The following ZNF316 variants were observed in gnomAD, a reference collection of about 807,000 sequenced individuals.
ZNF316 encodes zinc finger protein 316.
Under a neutral mutation model 75.6 loss-of-function variants are expected in ZNF316, and 23 were observed. That is an observed-to-expected ratio of 0.30 (90% confidence interval 0.22 to 0.43). The LOEUF (loss-of-function observed/expected upper bound fraction) is 0.43. Ranked by LOEUF, ZNF316 falls within the 20% of genes least tolerant of loss-of-function variation. The pLI, the probability that ZNF316 is intolerant of heterozygous loss-of-function variation, is 1.00. For missense variants in ZNF316, 1,266 were observed against 1,409.4 expected (o/e 0.90, Z 1.63); for synonymous variants, 827 against 666.2 (o/e 1.24, Z -3.72).
intron 8 of ZNF316, among the ~76,000 whole-genome samples, chr7:6,647,789 C>A (rs1289480911): frequency 6.8e-6 from 1 of 146,688 alleles, no homozygotes; most frequent in East Asian, 1.9e-4. Flanking sequence ...TGTGTGTGGG[C>A]TACACCGAGC....
intron 8 of ZNF316, among the ~76,000 whole-genome samples, chr7:6,645,110 G>A (rs1779376246): frequency 6.6e-6 from 1 of 152,248 alleles, no homozygotes; most frequent in African/African-American, 2.4e-5. Flanking sequence ...AGGCGTTCAG[G>A]GTGGTGAATT....
Position 6,658,059 on chromosome 7 carries a change from G to A in ZNF316, c.*3448G>A, listed in dbSNP as rs953547708. Among the ~76,000 whole-genome samples, 8 of 151,994 alleles carry A rather than the reference G, an allele frequency of 5.3e-5. No individual in the cohort carries two copies. The highest frequency in any genetic ancestry group is 1.9e-4 in the African/African-American group (8 of 41,370). On this transcript the variant is annotated 3_prime_UTR_variant, in exon 9 of 9. Coordinates refer to ENST00000382252, the MANE Select transcript of ZNF316 (RefSeq NM_001278559.2). ...CTTAGAGGGTCCCTCAGCCCTGAGC[G>A]TCACTTTCCCCTCCATCTACCTTTG...
chr7:6,648,294 C>G lies in ZNF316; in HGVS notation c.706+3701C>G, dbSNP rs1216352684. On this transcript the variant is annotated intron_variant, in intron 8 of 8. Coordinates refer to ENST00000382252, the MANE Select transcript of ZNF316 (RefSeq NM_001278559.2). Reference sequence around the variant, plus strand: ...GGCACAGGGCTGGCCAGGGGCCTATCTAGGATTAGGGACTGTGGCCCAGCC... The same window carrying G: ...GGCACAGGGCTGGCCAGGGGCCTATGTAGGATTAGGGACTGTGGCCCAGCC... 8.5e-5 allele frequency among the ~76,000 whole-genome samples: 13 copies of G among 152,226 alleles called. No homozygotes were observed. In the East Asian group the frequency reaches 2.3e-3, roughly 27 times the overall value.
intron 7 of ZNF316, 111 bp from the exon 8 acceptor site, chr7:6,644,369 G>A (rs902923671): frequency 9.9e-6 from 5 of 505,512 alleles, no homozygotes; most frequent in Non-Finnish European, 1.5e-5. Context: ...TGGGAGGGCT[G>A]GTGCTGGGAA....
rs1779367446 is a variant in ZNF316 at position 6,644,572 on chromosome 7, A to G, written c.685A>G (p.Ile229Val). The part of the protein sequence containing the change: ...PDSPRPEEGD[I>V]VTGVYTGAWF... ...TAGTCCCCGACCTGAGGAAGGAGAC[A>G]TCGTCACTGGCGTCTACACAGGTGA... Residue 229 changes from isoleucine to valine, a missense_variant, in exon 8 of 9, where the codon ATC becomes GTC. Around this residue, in one of 3 missense-constraint regions of ZNF316, gnomAD observed 961 missense variants for 990.9 expected, o/e 0.97. Coordinates refer to ENST00000382252, the MANE Select transcript of ZNF316 (RefSeq NM_001278559.2). 2 of 1,232,182 alleles carry G rather than the reference A, an allele frequency of 1.6e-6. No individual in the cohort carries two copies. Among genetic ancestry groups the G allele is most frequent in the African/African-American group, 3.1e-5 (2 of 64,512 alleles). The allele number at this position is 1,232,182 out of a possible 1,614,324, so 76.3% of individuals were successfully genotyped here. A position where few individuals can be genotyped will look rare whatever the true frequency, so the allele number is the denominator to read the frequency against.
chr7:6,642,381 G>A lies in ZNF316; in HGVS notation c.-28-1G>A. 2 of 1,227,656 alleles carry A rather than the reference G, an allele frequency of 1.6e-6. No homozygotes were observed. Among genetic ancestry groups the A allele is most frequent in the Non-Finnish European group, 2.0e-6 (2 of 983,946 alleles). 76.0% of individuals were successfully genotyped at this position (1,227,656 alleles called of 1,614,324 possible). On this transcript the variant is annotated splice_acceptor_variant, in intron 4 of 8. Coordinates refer to ENST00000382252, the MANE Select transcript of ZNF316 (RefSeq NM_001278559.2). LOFTEE classifies it low-confidence loss of function (5UTR_SPLICE). The surrounding 1 kb of genome is among the most constrained non-coding windows in gnomAD (Gnocchi z 8.1). ...GTCACTGGCGTCCATCTGCATTTCA[G>A]GCCACGTGGAGGCTCGCTCCCAGGG...
rs1779286258 is a variant in ZNF316, at chr7:6,640,151, G to A, written c.-167+1010G>A. Among the ~76,000 whole-genome samples the A allele has an allele frequency of 6.6e-6, 1 of 152,206 alleles. No individual in the cohort carries two copies. The highest frequency in any genetic ancestry group is 1.5e-5 in the Non-Finnish European group (1 of 68,050). Reference sequence around the variant, plus strand: ...AGAGCTTCCTGGCTATTAAAGTGTGGATTTTAAAGCAACTGCTCAAAGCAG... The same window carrying A: ...AGAGCTTCCTGGCTATTAAAGTGTGAATTTTAAAGCAACTGCTCAAAGCAG... On this transcript the variant is annotated intron_variant, in intron 3 of 8. Coordinates refer to ENST00000382252, the MANE Select transcript of ZNF316 (RefSeq NM_001278559.2). This position sits in a 1 kb window ranked among gnomAD's most constrained non-coding sequence, Gnocchi z 5.1.
intron 8 of ZNF316, among the ~76,000 whole-genome samples, chr7:6,651,887 C>G (rs1386808275): frequency 6.6e-6 from 1 of 152,204 alleles, no homozygotes; most frequent in African/African-American, 2.4e-5. Context: ...GGAAAACTGC[C>G]CCAGCGTCTC....
chr7:6,642,874 C>T lies in ZNF316; in HGVS notation c.356-90C>T. 8.1e-7 allele frequency: 1 copy of T among 1,232,134 alleles called. No individual in the cohort carries two copies. The highest frequency in any genetic ancestry group is 1.5e-5 in the African/African-American group (1 of 64,524). 76.3% of individuals were successfully genotyped at this position (1,232,134 alleles called of 1,614,324 possible). A position where few individuals can be genotyped will look rare whatever the true frequency, so the allele number is the denominator to read the frequency against. On this transcript the variant is annotated intron_variant, in intron 5 of 8. Transcript: ENST00000382252. This position sits in a 1 kb window ranked among gnomAD's most constrained non-coding sequence, Gnocchi z 8.1. The stretch of plus-strand genomic sequence containing the variant: ...TTGGGCCGACAGGGTGGAGCTGAAA[C>T]CCAGCTTTGCAATGAGGGTGTTGCC...
At chr7:6,649,437 C>T (rs961848047) in intron 8 of ZNF316, among the ~76,000 whole-genome samples, 4 of 152,228 alleles carry the variant, frequency 2.6e-5, no homozygotes, top group South Asian at 2.1e-4. Flanking sequence ...CCTGTTGCCC[C>T]GGCTTGGGTC....
In ZNF316 at chr7:6,653,147, C is replaced by A; in HGVS notation, c.1551C>A (p.Pro517=). ...GCGCGGAGGCGGGTGGTGACGGCCC[C>A]CGGCGGGAGCCCGGCGAGACGGCGG... is the stretch of plus-strand genomic sequence containing the variant. ...GGCAEAGGDG[P]RREPGETAAA... The change falls in exon 9 of 9, where the codon CCC becomes CCA. Residue 517 remains proline (P), a synonymous_variant. Transcript: ENST00000382252. The A allele has an allele frequency of 8.5e-7, 1 of 1,178,110 alleles. No individual in the cohort carries two copies. The highest frequency in any genetic ancestry group is 1.0e-6 in the Non-Finnish European group (1 of 953,944). 73.0% of individuals were successfully genotyped at this position (1,178,110 alleles called of 1,614,324 possible).
Position 6,653,375 on chromosome 7 carries a change from C to A in ZNF316, c.1779C>A (p.Ser593=). The change falls in exon 9 of 9, where the codon TCC becomes TCA. Residue 593 remains serine, a synonymous_variant. Transcript: ENST00000382252. ...TGGGGGAGGGCGAAGGCCCCTCCTC[C>A]CACCCGCTGGGCTTCCACTTCCCCG... ...NGLGEGEGPS[S]HPLGFHFPVH... is the part of the protein sequence containing the mutation. 8.2e-7 allele frequency: 1 copy of A among 1,226,524 alleles called. No homozygotes were observed. Among genetic ancestry groups the A allele is most frequent in the South Asian group, 4.1e-5 (1 of 24,300 alleles). 76.0% of individuals were successfully genotyped at this position (1,226,524 alleles called of 1,614,324 possible). A position where few individuals can be genotyped will look rare whatever the true frequency, so the allele number is the denominator to read the frequency against.
chr7:6,640,310 G>C lies in ZNF316; in HGVS notation c.-167+1169G>C, dbSNP rs1779288783. 6.6e-6 allele frequency among the ~76,000 whole-genome samples: 1 copy of C among 152,158 alleles called. No homozygotes were observed. Among genetic ancestry groups the C allele is most frequent in the Admixed American group, 6.5e-5 (1 of 15,270 alleles). On this transcript the variant is annotated intron_variant, in intron 3 of 8. Transcript: ENST00000382252. The surrounding 1 kb of genome is among the most constrained non-coding windows in gnomAD (Gnocchi z 5.1). ...AGAGGTGAGACTGGCGCATGGTTCTGCAGGCTGTACAGGAAGCATGGTGCT... is the reference window on the plus strand; with the variant it reads ...AGAGGTGAGACTGGCGCATGGTTCTCCAGGCTGTACAGGAAGCATGGTGCT...
chr7:6,653,888 G>T lies in ZNF316; in HGVS notation c.2292G>T (p.Ala764=). 9.0e-7 allele frequency: 1 copy of T among 1,105,932 alleles called. No individual in the cohort carries two copies. Among genetic ancestry groups the T allele is most frequent in the Non-Finnish European group, 1.1e-6 (1 of 907,190 alleles). 68.5% of individuals were successfully genotyped at this position (1,105,932 alleles called of 1,614,324 possible). A position where few individuals can be genotyped will look rare whatever the true frequency, so the allele number is the denominator to read the frequency against. ...TCGCCCGCGGCTCGCACTTGGCGGC[G>T]CACGTGCGCGGCCACACGGGCGAGA... The part of the protein sequence containing the change: ...ARFARGSHLA[A]HVRGHTGEKP... Residue 764 remains alanine (A), a synonymous_variant, in exon 9 of 9, where the codon GCG becomes GCT. Transcript: ENST00000382252.
chr7:6,642,944 T>C lies in ZNF316; in HGVS notation c.356-20T>C. ...GCTGGGGGCTCAGGGCAGCTGGCCC[T>C]AAGAGATCTCTCCCCACAGGCCTGC... On this transcript the variant is annotated intron_variant, in intron 5 of 8. Coordinates refer to ENST00000382252, the MANE Select transcript of ZNF316 (RefSeq NM_001278559.2). This position sits in a 1 kb window ranked among gnomAD's most constrained non-coding sequence, Gnocchi z 8.1. 1 of 1,231,714 alleles carries C rather than the reference T, an allele frequency of 8.1e-7. No individual in the cohort carries two copies. The highest frequency in any genetic ancestry group is 1.0e-6 in the Non-Finnish European group (1 of 988,002). The allele number at this position is 1,231,714 out of a possible 1,614,324, so 76.3% of individuals were successfully genotyped here. A position where few individuals can be genotyped will look rare whatever the true frequency, so the allele number is the denominator to read the frequency against.
intron 3 of ZNF316, 148 bp from the exon 4 acceptor site, chr7:6,641,677 A>G (rs997635567): frequency 1.3e-5 from 2 of 152,268 alleles, no homozygotes; most frequent in African/African-American, 4.8e-5. Context: ...TGATCCCCAA[A>G]CTTGAAATGT....
At chr7:6,650,602 C>T (rs1182122411) in intron 8 of ZNF316, among the ~76,000 whole-genome samples, 6 of 152,140 alleles carry the variant, frequency 3.9e-5, no homozygotes, top group African/African-American at 9.7e-5. Flanking sequence ...AGGGGCTACC[C>T]GAGGCCTACT....
intron 8 of ZNF316, among the ~76,000 whole-genome samples, chr7:6,646,951 C>T (rs1348215819): frequency 2.0e-5 from 3 of 152,218 alleles, no homozygotes; most frequent in Non-Finnish European, 4.4e-5. Flanking sequence ...GAAGCCCCCA[C>T]CTGCCCTTCA....
chr7:6,640,999 A>G lies in ZNF316; in HGVS notation c.-166-826A>G, dbSNP rs958845065. Among the ~76,000 whole-genome samples, 1 of 152,224 alleles carries G rather than the reference A, an allele frequency of 6.6e-6. No individual in the cohort carries two copies. Among genetic ancestry groups the G allele is most frequent in the African/African-American group, 2.4e-5 (1 of 41,458 alleles). The stretch of plus-strand genomic sequence containing the variant: ...TTTTCTTTGCCACTTACTCAGCCTC[A>G]GGTATTCCTTCACAGAAATGCAGAA... On this transcript the variant is annotated intron_variant, in intron 3 of 8. Transcript: ENST00000382252. The surrounding 1 kb of genome is among the most constrained non-coding windows in gnomAD (Gnocchi z 5.1).
Sources: gnomAD v4.1 joint callset for allele counts (sites outside exome capture counted in the v4.1 genomes callset) on GRCh38, gnomAD v4.1.1 for gene constraint, gnomAD v4.1.1 regional missense constraint, Gnocchi (gnomAD v3.1) non-coding constraint, MANE v1.5 for transcripts, NCBI Gene and HGNC (gene_info 2026-07-23, HGNC 2026-07-21) for gene names.